Variants in BRF1 observed in about 807,000 individuals in gnomAD.
The protein encoded by BRF1 is transcription factor IIIB 90 kDa subunit.
In BRF1, 59 loss-of-function variants were observed where a neutral mutation model predicts 81.7. The observed-to-expected ratio is 0.72, with a 90% CI of 0.59 to 0.90. The LOEUF (loss-of-function observed/expected upper bound fraction) is 0.90. Ranked by LOEUF, BRF1 falls within the 40% of genes least tolerant of loss-of-function variation. The pLI is 0.00. For missense variants in BRF1, 1,050 were observed against 936.3 expected, an observed-to-expected ratio of 1.12 and a Z score of -1.58; for synonymous variants, 491 against 395.6, an observed-to-expected ratio of 1.24 and a Z score of -2.86.
At chr14:105,243,473 AT>A (rs200320625) in intron 5 of BRF1, among the ~76,000 whole-genome samples, 1,813 of 89,810 alleles carry the variant, frequency 0.02, 41 homozygotes, top group African/African-American at 0.061. Context: ...AAAAATAAAA[AT>A]AAAAAATTAG....
chr14:105,222,146 G>C, intron 10 of BRF1: 1 of 474,586 alleles, frequency 2.1e-6, no homozygotes, highest in Non-Finnish European at 3.6e-6. Context: ...AGACATTTCA[G>C]ACAAAAACGT....
At chr14:105,215,275 C>T (rs587657148) in intron 15 of BRF1, among the ~76,000 whole-genome samples, 11 of 152,056 alleles carry the variant, frequency 7.2e-5, no homozygotes, top group South Asian at 2.1e-4. Context: ...CATGCACACA[C>T]GTGTACATAG....
At chr14:105,250,426 G>C (rs1252099339) in intron 5 of BRF1, 4 of 1,613,876 alleles carry the variant, frequency 2.5e-6, no homozygotes, top group Non-Finnish European at 1.7e-6. Flanking sequence ...ACTTGACCAA[G>C]TTCATGTCAG....
chr14:105,224,277 G>A (rs756217239), intron 10 of BRF1, among the ~76,000 whole-genome samples: 1 of 152,234 alleles, frequency 6.6e-6, no homozygotes, highest in Non-Finnish European at 1.5e-5. Flanking sequence ...GGTGAGGCAG[G>A]AGAATTGCTT....
At chr14:105,250,701 C>A (rs769167809) in intron 5 of BRF1, 7 of 1,583,806 alleles carry the variant, frequency 4.4e-6, no homozygotes, top group Non-Finnish European at 6.0e-6. Context: ...AGCAGGTCAG[C>A]GAGTGAGTGG....
In BRF1 at chr14:105,284,506, G is replaced by A. The variant is rs2057240634; in HGVS notation, c.265+1790C>T. ...TGGCCCAGGAGAAAACAGCCAGGGT[G>A]ACGTGCTGTCCACAAGAGATGTTCT... On this transcript the variant is annotated intron_variant, in intron 2 of 17. Transcript: ENST00000547530. The surrounding 1 kb of genome is among the most constrained non-coding windows in gnomAD (Gnocchi z 4.0). Among the ~76,000 whole-genome samples, 1 of 152,158 alleles carries A rather than the reference G, an allele frequency of 6.6e-6. No homozygotes were observed. The highest frequency in any genetic ancestry group is 1.5e-5 in the Non-Finnish European group (1 of 68,024).
intron 16 of BRF1, 56 bp from the exon 17 acceptor site, chr14:105,211,349 C>A (rs1277515735): frequency 7.1e-7 from 1 of 1,417,424 alleles, no homozygotes; most frequent in African/African-American, 1.4e-5. Context: ...TGTATCTCAA[C>A]AGACCCCTCA....
intron 7 of BRF1, among the ~76,000 whole-genome samples, 157 bp downstream of exon 7, chr14:105,228,663 C>T (rs1051099793): frequency 2.0e-5 from 3 of 152,128 alleles, no homozygotes; most frequent in South Asian, 2.1e-4. Flanking sequence ...CCAGCACGTC[C>T]AAGCCATAGT....
At chr14:105,306,207 A>G (rs1256742002) in intron 1 of BRF1, among the ~76,000 whole-genome samples, 1 of 152,176 alleles carries the variant, frequency 6.6e-6, no homozygotes, top group Non-Finnish European at 1.5e-5. Context: ...GCAGGGTTAG[A>G]GTTTTGAAGG....
intron 8 of BRF1, 86 bp from the exon 9 acceptor site, chr14:105,226,376 C>T (rs1008483631): frequency 1.3e-6 from 2 of 1,567,388 alleles, no homozygotes; most frequent in East Asian, 4.5e-5. Context: ...GCCCCAGGGA[C>T]CACAGGCTGC....
chr14:105,214,526 G>A (rs200301308), intron 15 of BRF1, among the ~76,000 whole-genome samples: 1 of 104,114 alleles, frequency 9.6e-6, no homozygotes, highest in African/African-American at 5.0e-5. Flanking sequence ...ACACCCCTGC[G>A]TGGCTCAGCT....
intron 2 of BRF1, among the ~76,000 whole-genome samples, chr14:105,274,563 C>T (rs926785342): frequency 6.6e-6 from 1 of 152,208 alleles, no homozygotes; most frequent in African/African-American, 2.4e-5. Context: ...CGGCAACATC[C>T]GAGCACACGC....
intron 2 of BRF1, among the ~76,000 whole-genome samples, chr14:105,273,336 C>T (rs115570854): frequency 0.014 from 2,189 of 152,318 alleles, 48 homozygotes; most frequent in African/African-American, 0.051. Context: ...TCAGCCCACC[C>T]GTCCCTTCTC....
intron 3 of BRF1, among the ~76,000 whole-genome samples, chr14:105,259,985 A>C (rs777355766): frequency 6.6e-6 from 1 of 152,142 alleles, no homozygotes; most frequent in African/African-American, 2.4e-5. Flanking sequence ...GAACAGGCAC[A>C]ACTGGTCTGT....
In BRF1 at chr14:105,210,489, T is replaced by C; in HGVS notation, c.*62A>G. ...TGCCTGCTGCGGTCCTGGAAGCCCG[T>C]CTGATGCTGAGGAGACCCGCGAGGC... On this transcript the variant is annotated 3_prime_UTR_variant, in exon 18 of 18. Transcript: ENST00000547530. This position sits in a 1 kb window ranked among gnomAD's most constrained non-coding sequence, Gnocchi z 4.7. The C allele has an allele frequency of 6.3e-7, 1 of 1,591,528 alleles. No homozygotes were observed. Among genetic ancestry groups the C allele is most frequent in the South Asian group, 1.1e-5 (1 of 89,332 alleles).
chr14:105,219,513 G>A (rs1478181380), intron 12 of BRF1: 20 of 590,966 alleles, frequency 3.4e-5, no homozygotes, highest in Non-Finnish European at 5.5e-5. Flanking sequence ...GCCAGCCAGA[G>A]TGCAGGCCAC....
chr14:105,247,888 A>C (rs1348075197), intron 5 of BRF1: 7 of 985,376 alleles, frequency 7.1e-6, no homozygotes, highest in Non-Finnish European at 8.4e-6. Flanking sequence ...CATGCCACGC[A>C]CCTCCCAGGA....
rs587619855 is a variant in BRF1 at position 105,223,441 on chromosome 14, C to G, written c.1049-1527G>C. 1.4e-4 allele frequency among the ~76,000 whole-genome samples: 22 copies of G among 152,352 alleles called. No homozygotes were observed. In the South Asian group the frequency reaches 4.4e-3, roughly 30 times the overall value. Reference sequence around the variant, plus strand: ...CAAACCATTGATGCGTGACTCAACACACACCCTCAGCGTGCTGAAGGACTA... The same window carrying G: ...CAAACCATTGATGCGTGACTCAACAGACACCCTCAGCGTGCTGAAGGACTA... On this transcript the variant is annotated intron_variant, in intron 10 of 17. Transcript: ENST00000547530.
chr14:105,256,421 C>T (rs774712424), intron 4 of BRF1, 97 bp downstream of exon 4: 13 of 1,613,000 alleles, frequency 8.1e-6, no homozygotes, highest in Admixed American at 1.7e-5. Flanking sequence ...CACTGAGATG[C>T]GTGGAGGCAC....
Sources: gnomAD v4.1 joint callset for allele counts (sites outside exome capture counted in the v4.1 genomes callset) on GRCh38, gnomAD v4.1.1 for gene constraint, Gnocchi (gnomAD v3.1) non-coding constraint, MANE v1.5 for transcripts, NCBI Gene and HGNC (gene_info 2026-07-23, HGNC 2026-07-21) for gene names.